DLG1: variants seen among roughly 807,000 people sequenced by gnomAD.
DLG1 encodes the protein discs large MAGUK scaffold protein 1.
A neutral mutation model predicts 123.4 loss-of-function variants in DLG1; 42 were observed. The observed-to-expected ratio is 0.34, with a 90% CI of 0.27 to 0.44. The LOEUF is 0.44. DLG1 is among the 20% of genes least tolerant of loss of function. The probability of loss-of-function intolerance (pLI) is 1.00; values close to 1 mark genes in which losing one functional copy is unlikely to be tolerated. For missense variants in DLG1, 942 were observed against 1,082.6 expected (o/e 0.87, Z 1.82); for synonymous variants, 317 against 356.2 (o/e 0.89, Z 1.24).
intron 18 of DLG1, among the ~76,000 whole-genome samples, chr3:197,073,610 C>T (rs974993406): frequency 2.6e-5 from 4 of 152,170 alleles, no homozygotes; most frequent in African/African-American, 9.7e-5. Flanking sequence ...TTTGATAAGA[C>T]GATTTCTCTC....
At chr3:197,251,306 A>C (rs1754352334) in intron 4 of DLG1, among the ~76,000 whole-genome samples, 1 of 152,164 alleles carries the variant, frequency 6.6e-6, no homozygotes. Flanking sequence ...TAGAAAAAAA[A>C]CCCTAAAAAT....
In DLG1 at chr3:197,102,901, T is replaced by C. The variant is rs570585629; in HGVS notation, c.1546+2002A>G. Among the ~76,000 whole-genome samples the C allele has an allele frequency of 2.6e-5, 4 of 152,320 alleles. No individual in the cohort carries two copies. In the South Asian group the frequency reaches 8.3e-4, roughly 32 times the overall value. Reference sequence around the variant, plus strand: ...TACTTATTACTTTGCTAGATTTTGCTAGAGTAGCTATTCCAGAAAGTCGAG... The same window carrying C: ...TACTTATTACTTTGCTAGATTTTGCCAGAGTAGCTATTCCAGAAAGTCGAG... On this transcript the variant is annotated intron_variant, in intron 14 of 24. Coordinates refer to ENST00000667157, the MANE Select transcript of DLG1 (RefSeq NM_001366207.1).
chr3:197,061,974 C>A (rs2148843615), intron 22 of DLG1, among the ~76,000 whole-genome samples: 2 of 152,182 alleles, frequency 1.3e-5, no homozygotes, highest in East Asian at 3.9e-4. Context: ...ATGGTTTCTG[C>A]CGGAAACAAT....
At chr3:197,224,193 G>A (rs1738591870) in intron 4 of DLG1, among the ~76,000 whole-genome samples, 1 of 151,924 alleles carries the variant, frequency 6.6e-6, no homozygotes. Flanking sequence ...ACCTCAAGTG[G>A]TGCTGTGCAA....
rs532036502 is a variant in DLG1 at position 197,051,509 on chromosome 3, C to T, written c.2575+68G>A. On this transcript the variant is annotated intron_variant, in intron 24 of 24. Transcript: ENST00000667157. ...AGGCATAGTTCAAAATCCACCTGAA[C>T]GGGTCGGTTCACATGGCTTCAAAGC... The T allele has an allele frequency of 8.3e-5, 100 of 1,207,410 alleles. 1 individual carries two copies. The East Asian group carries it at 1.1e-3, about 13-fold the overall frequency. The allele number at this position is 1,207,410 out of a possible 1,614,324, so 74.8% of individuals were successfully genotyped here. A position where few individuals can be genotyped will look rare whatever the true frequency, so the allele number is the denominator to read the frequency against.
intron 5 of DLG1, among the ~76,000 whole-genome samples, chr3:197,177,881 T>C (rs943623368): frequency 2.0e-5 from 3 of 152,080 alleles, no homozygotes; most frequent in African/African-American, 4.8e-5. Flanking sequence ...CTAAATAAAG[T>C]GTGATGCGCG....
At chr3:197,293,800 T>C (rs1010034261) in intron 3 of DLG1, 3 of 153,608 alleles carry the variant, frequency 2.0e-5, no homozygotes, top group African/African-American at 7.3e-5. Flanking sequence ...AAGTGAAAAA[T>C]CTAAGCACTC....
At position 197,242,904 on chromosome 3, in the gene DLG1, C is replaced by A. The variant is rs187551083; in HGVS notation, c.318+39775G>T. On this transcript the variant is annotated intron_variant, in intron 4 of 24. Transcript: ENST00000667157. ...TTGCTTGAGACCAGGAGTTCAAGAT[C>A]CTGCAGTCTGGACATGCCTGTAGTC... Among the ~76,000 whole-genome samples, 192 of 152,206 alleles carry A rather than the reference C, an allele frequency of 1.3e-3. 1 individual carries two copies. Among genetic ancestry groups the A allele is most frequent in the Middle Eastern group, 3.4e-3 (1 of 294 alleles).
chr3:197,130,350 T>A (rs910996326), intron 11 of DLG1, among the ~76,000 whole-genome samples, 177 bp downstream of exon 11: 2 of 152,200 alleles, frequency 1.3e-5, no homozygotes, highest in Non-Finnish European at 2.9e-5. Flanking sequence ...CCCCTTCTAA[T>A]TATAAAAATT....
chr3:197,126,623 C>T (rs1285792697), intron 11 of DLG1, among the ~76,000 whole-genome samples: 4 of 151,964 alleles, frequency 2.6e-5, no homozygotes, highest in African/African-American at 9.7e-5. Flanking sequence ...ATACACAAAG[C>T]CTTTATATAA....
intron 14 of DLG1, among the ~76,000 whole-genome samples, chr3:197,093,230 C>T (rs1469970767): frequency 6.6e-6 from 1 of 151,960 alleles, no homozygotes; most frequent in African/African-American, 2.4e-5. Context: ...GCGATCTTGG[C>T]TCACTGCAAC....
At chr3:197,112,215 A>G (rs1053034536) in intron 13 of DLG1, among the ~76,000 whole-genome samples, 1 of 152,160 alleles carries the variant, frequency 6.6e-6, no homozygotes, top group Non-Finnish European at 1.5e-5. Flanking sequence ...AAGAATACCT[A>G]TTTTTATCTA....
chr3:197,295,815 A>G (rs1777133864), intron 3 of DLG1, among the ~76,000 whole-genome samples: 1 of 152,222 alleles, frequency 6.6e-6, no homozygotes, highest in Non-Finnish European at 1.5e-5. Flanking sequence ...CACCACTTCA[A>G]ATTAAGTTAC....
chr3:197,075,764 C>G, intron 18 of DLG1: 1 of 1,382,684 alleles, frequency 7.2e-7, no homozygotes. Flanking sequence ...CCATGAATCT[C>G]AAAATGTATC....
intron 4 of DLG1, among the ~76,000 whole-genome samples, chr3:197,272,504 A>G (rs1228554624): frequency 7.2e-5 from 11 of 152,140 alleles, no homozygotes; most frequent in Non-Finnish European, 1.3e-4. Flanking sequence ...GCCATTTTTC[A>G]TAGTGTGGTG....
intron 5 of DLG1, among the ~76,000 whole-genome samples, chr3:197,150,784 A>T (rs1242819718): frequency 6.6e-6 from 1 of 152,066 alleles, no homozygotes; most frequent in African/African-American, 2.4e-5. Flanking sequence ...TTCAAATAAC[A>T]CATTATTTTC....
intron 5 of DLG1, among the ~76,000 whole-genome samples, chr3:197,172,392 T>C (rs1804681730): frequency 6.6e-6 from 1 of 152,186 alleles, no homozygotes; most frequent in South Asian, 2.1e-4. Context: ...AAAATAAATA[T>C]ACACCGTATT....
At chr3:197,047,268 T>C (rs1365317813) in intron 24 of DLG1, among the ~76,000 whole-genome samples, 1 of 152,188 alleles carries the variant, frequency 6.6e-6, no homozygotes, top group Non-Finnish European at 1.5e-5. Context: ...TAAAGGGACA[T>C]CTACCTGAAA....
intron 5 of DLG1, among the ~76,000 whole-genome samples, chr3:197,182,060 G>T (rs1241994941): frequency 6.6e-6 from 1 of 152,062 alleles, no homozygotes; most frequent in African/African-American, 2.4e-5. Flanking sequence ...TTAATAAACC[G>T]AGTGACAGAT....
Sources: gnomAD v4.1 joint callset for allele counts (sites outside exome capture counted in the v4.1 genomes callset) on GRCh38, gnomAD v4.1.1 for gene constraint, MANE v1.5 for transcripts, NCBI Gene and HGNC (gene_info 2026-07-23, HGNC 2026-07-21) for gene names.